The following DACH2 variants were observed in gnomAD, a reference collection of about 807,000 sequenced individuals.
DACH2 encodes the protein dachshund homolog 2.
A neutral mutation model predicts 35.8 loss-of-function variants in DACH2; 17 were observed. The observed-to-expected ratio is 0.48, with a 90% confidence interval of 0.33 to 0.71. The LOEUF (loss-of-function observed/expected upper bound fraction) is 0.71. Ranked by LOEUF, DACH2 falls within the 30% of genes least tolerant of loss-of-function variation. The pLI is 0.02. For synonymous variants in DACH2, 195 were observed against 177.3 expected (o/e 1.10, Z -0.79); for missense variants, 469 against 472.7 (o/e 0.99, Z 0.07).
intron 1 of DACH2, among the ~76,000 whole-genome samples, chrX:86,231,931 C>A (rs1321268649): frequency 1.8e-5 from 2 of 111,491 alleles, no homozygotes; most frequent in Non-Finnish European, 3.8e-5. Context: ...CTTCTCCACC[C>A]CTGTATTTCG....
chrX:86,474,175 G>A (rs2037804922), intron 2 of DACH2, among the ~76,000 whole-genome samples: 1 of 111,858 alleles, frequency 8.9e-6, no homozygotes, highest in African/African-American at 3.2e-5. Context: ...TTTGAGAAAT[G>A]TCTATGCAAA....
At chrX:86,280,536 C>T (rs983241964) in intron 1 of DACH2, among the ~76,000 whole-genome samples, 7 of 111,952 alleles carry the variant, frequency 6.3e-5, no homozygotes, top group Non-Finnish European at 1.3e-4. Context: ...TATGAAGAAA[C>T]TGCATCAACT....
At chrX:86,477,111 T>C (rs1048599906) in intron 2 of DACH2, among the ~76,000 whole-genome samples, 20 of 110,031 alleles carry the variant, frequency 1.8e-4, no homozygotes, top group Non-Finnish European at 3.0e-4. Flanking sequence ...GATAAGAATG[T>C]ATTCTGTAGC....
intron 1 of DACH2, among the ~76,000 whole-genome samples, chrX:86,301,391 C>A (rs1477893459): frequency 3.6e-5 from 4 of 111,565 alleles, no homozygotes; most frequent in Non-Finnish European, 5.7e-5. Context: ...CCTTCTGCTT[C>A]AGTGATAAAA....
At chrX:86,799,029 A>T (rs1422955913) in intron 7 of DACH2, 1 of 265,464 alleles carries the variant, frequency 3.8e-6, no homozygotes, top group Non-Finnish European at 7.1e-6. Context: ...CAGAATTTGC[A>T]GATTTTATAG....
At chrX:86,736,005 T>G (rs1224633041) in intron 6 of DACH2, among the ~76,000 whole-genome samples, 1 of 111,610 alleles carries the variant, frequency 9.0e-6, no homozygotes, top group African/African-American at 3.2e-5. Context: ...AGTAGCCACC[T>G]AATGAACCAA....
intron 2 of DACH2, among the ~76,000 whole-genome samples, chrX:86,464,423 A>G (rs978090123): frequency 3.0e-4 from 33 of 111,479 alleles, no homozygotes; most frequent in Admixed American, 2.4e-3. Context: ...ACAGGAACAG[A>G]AAACCAAACA....
At chrX:86,398,243 G>T (rs1339954201) in intron 2 of DACH2, among the ~76,000 whole-genome samples, 1 of 111,919 alleles carries the variant, frequency 8.9e-6, no homozygotes, top group Admixed American at 9.4e-5. Context: ...TATCCCCTTT[G>T]TCATTTTTTA....
intron 2 of DACH2, among the ~76,000 whole-genome samples, chrX:86,466,933 G>A (rs764343041): frequency 1.8e-5 from 2 of 111,229 alleles, no homozygotes; most frequent in East Asian, 5.7e-4. Context: ...CTGGACCTGG[G>A]CAACAAAACC....
At chrX:86,760,627 T>A (rs2041871059) in intron 7 of DACH2, among the ~76,000 whole-genome samples, 1 of 111,966 alleles carries the variant, frequency 8.9e-6, no homozygotes, top group Non-Finnish European at 1.9e-5. Flanking sequence ...TTTCTTTGTA[T>A]TTTTTCCAGT....
intron 2 of DACH2, among the ~76,000 whole-genome samples, chrX:86,495,229 T>A (rs2038151710): frequency 9.2e-6 from 1 of 109,004 alleles, no homozygotes; most frequent in Admixed American, 9.9e-5. Flanking sequence ...TTTTTTTTAT[T>A]TTTATTTTTT....
At chrX:86,305,253 A>G (rs2034661154) in intron 1 of DACH2, among the ~76,000 whole-genome samples, 1 of 111,897 alleles carries the variant, frequency 8.9e-6, no homozygotes, top group Non-Finnish European at 1.9e-5. Context: ...TTGGCCTGTC[A>G]TGGGTGTATG....
At chrX:86,703,928 A>G (rs766327357) in intron 5 of DACH2, among the ~76,000 whole-genome samples, 13 of 112,009 alleles carry the variant, frequency 1.2e-4, no homozygotes, top group Admixed American at 2.8e-4. Flanking sequence ...TCAAACTACC[A>G]ATGCCATTAT....
chrX:86,253,424 C>G (rs2033441595), intron 1 of DACH2, among the ~76,000 whole-genome samples: 2 of 111,351 alleles, frequency 1.8e-5, no homozygotes, highest in African/African-American at 6.5e-5. Context: ...TTCCCAAATT[C>G]CCTTCTATTA....
chrX:86,574,612 G>A (rs2039413684), intron 3 of DACH2, among the ~76,000 whole-genome samples: 2 of 111,514 alleles, frequency 1.8e-5, no homozygotes, highest in Middle Eastern at 9.4e-3. Flanking sequence ...GGAGAGCTAT[G>A]CACATACATT....
At chrX:86,590,574 T>G (rs940494800) in intron 3 of DACH2, among the ~76,000 whole-genome samples, 2 of 111,978 alleles carry the variant, frequency 1.8e-5, no homozygotes, top group African/African-American at 6.5e-5. Flanking sequence ...CTAATTTGGG[T>G]AACTACAAAG....
intron 1 of DACH2, among the ~76,000 whole-genome samples, chrX:86,374,570 A>G (rs2148099687): frequency 9.0e-6 from 1 of 111,053 alleles, no homozygotes; most frequent in Admixed American, 9.6e-5. Context: ...TGTATATTGT[A>G]TATTGTATCT....
intron 3 of DACH2, among the ~76,000 whole-genome samples, chrX:86,536,791 C>T (rs1014180820): frequency 8.9e-6 from 1 of 112,138 alleles, no homozygotes; most frequent in Non-Finnish European, 1.9e-5. Flanking sequence ...TGTAACCCAA[C>T]CACCTTGGGT....
intron 2 of DACH2, among the ~76,000 whole-genome samples, chrX:86,399,938 A>G (rs1314913729): frequency 1.8e-5 from 2 of 111,415 alleles, no homozygotes; most frequent in African/African-American, 6.6e-5. Flanking sequence ...GCCTTGCTAG[A>G]TTGGGGAAGT....
Sources: gnomAD v4.1 joint callset for allele counts (sites outside exome capture counted in the v4.1 genomes callset) on GRCh38, gnomAD v4.1.1 for gene constraint, MANE v1.5 for transcripts, NCBI Gene and HGNC (gene_info 2026-07-23, HGNC 2026-07-21) for gene names.